The following DTNA variants were observed in gnomAD, a reference collection of about 807,000 sequenced individuals.
DTNA encodes the protein dystrobrevin alpha.
Under a neutral mutation model 100.7 loss-of-function variants are expected in DTNA, and 43 were observed. That is an observed-to-expected ratio of 0.43 (90% CI 0.33 to 0.55). DTNA has a LOEUF of 0.55. DTNA is among the 20% of genes least tolerant of loss of function. The pLI is 0.04. For missense variants in DTNA, 798 were observed against 953.9 expected, an observed-to-expected ratio of 0.84 and a Z score of 2.15; for synonymous variants, 349 against 347.9, an observed-to-expected ratio of 1.00 and a Z score of -0.04.
chr18:34,645,674 G>A (rs144330671), intron 1 of DTNA, among the ~76,000 whole-genome samples: 12 of 152,184 alleles, frequency 7.9e-5, no homozygotes, highest in East Asian at 7.7e-4. Context: ...TTTTGAACAA[G>A]CACACCCTAT....
At chr18:34,775,447 C>T (rs766836619) in intron 3 of DTNA, among the ~76,000 whole-genome samples, 4 of 151,698 alleles carry the variant, frequency 2.6e-5, no homozygotes, top group African/African-American at 4.8e-5. Flanking sequence ...GATTGCACCA[C>T]GGCACTCCTG....
intron 9 of DTNA, among the ~76,000 whole-genome samples, chr18:34,823,479 C>T (rs577149335): frequency 7.9e-5 from 12 of 152,238 alleles, no homozygotes; most frequent in South Asian, 4.1e-4. Flanking sequence ...CCACTTAATG[C>T]GCTTAATTTA....
At chr18:34,669,135 G>A (rs1175306210) in intron 1 of DTNA, among the ~76,000 whole-genome samples, 1 of 152,174 alleles carries the variant, frequency 6.6e-6, no homozygotes, top group African/African-American at 2.4e-5. Flanking sequence ...ATATATTTAG[G>A]ATAGTTAGCA....
intron 3 of DTNA, among the ~76,000 whole-genome samples, chr18:34,783,262 T>C (rs2094400811): frequency 6.6e-6 from 1 of 152,216 alleles, no homozygotes; most frequent in Non-Finnish European, 1.5e-5. Context: ...TTTTCATACC[T>C]CACTTTGAAT....
intron 1 of DTNA, among the ~76,000 whole-genome samples, chr18:34,695,132 G>A (rs968798180): frequency 3.9e-5 from 6 of 152,168 alleles, no homozygotes; most frequent in Non-Finnish European, 7.4e-5. Flanking sequence ...TTCTCCCTCC[G>A]TACAGTGCTA....
intron 1 of DTNA, among the ~76,000 whole-genome samples, chr18:34,701,985 T>C (rs2081437954): frequency 2.0e-5 from 3 of 152,194 alleles, no homozygotes; most frequent in Admixed American, 2.0e-4. Context: ...TTGTGTTTTA[T>C]CACTATTATC....
Position 34,509,516 on chromosome 18 carries a change from A to G in DTNA, c.-2+16002A>G, listed in dbSNP as rs74703092. Among the ~76,000 whole-genome samples the G allele has an allele frequency of 4.3e-3, 654 of 152,228 alleles. 24 individuals are homozygous for G. In the East Asian group the frequency reaches 0.069, roughly 16 times the overall value. ...TCCTTTTAACCCAAACACTGTAAAA[A>G]TAATGTTTATCATAAGAGTGTATAC... On this transcript the variant is annotated intron_variant, in intron 1 of 19. Coordinates refer to the DTNA transcript ENST00000283365.
intron 2 of DTNA, among the ~76,000 whole-genome samples, chr18:34,765,382 G>C (rs932561527): frequency 1.8e-4 from 27 of 152,198 alleles, no homozygotes; most frequent in Admixed American, 1.6e-3. Flanking sequence ...AGCATTTACT[G>C]TGTGCCAGAC....
intron 9 of DTNA, among the ~76,000 whole-genome samples, chr18:34,823,077 T>C (rs1181209208): frequency 6.6e-6 from 1 of 152,242 alleles, no homozygotes; most frequent in Non-Finnish European, 1.5e-5. Flanking sequence ...AGAAATTTTT[T>C]CCATATTTGT....
At chr18:34,571,979 G>A (rs961445258) in intron 1 of DTNA, among the ~76,000 whole-genome samples, 1 of 152,098 alleles carries the variant, frequency 6.6e-6, no homozygotes, top group Non-Finnish European at 1.5e-5. Context: ...AATGTCCAGG[G>A]TCACCAACCT....
intron 1 of DTNA, among the ~76,000 whole-genome samples, chr18:34,746,220 T>C (rs1394167195): frequency 6.6e-6 from 1 of 152,106 alleles, no homozygotes; most frequent in Non-Finnish European, 1.5e-5. Context: ...GGGTTTTTTT[T>C]CATTTATACC....
chr18:34,711,031 G>A (rs1353175235), intron 1 of DTNA, among the ~76,000 whole-genome samples: 1 of 152,004 alleles, frequency 6.6e-6, no homozygotes, highest in East Asian at 1.9e-4. Context: ...ATTTCTATTA[G>A]CATTCTAATC....
chr18:34,877,366 T>A (rs1190871851), intron 18 of DTNA, among the ~76,000 whole-genome samples: 2 of 152,218 alleles, frequency 1.3e-5, no homozygotes, highest in East Asian at 3.8e-4. Context: ...TGGATTATTC[T>A]TAAGAAGGGT....
chr18:34,876,275 T>G (rs1197970254), intron 18 of DTNA, among the ~76,000 whole-genome samples: 2 of 152,236 alleles, frequency 1.3e-5, no homozygotes, highest in Non-Finnish European at 2.9e-5. Context: ...TTCTTCGAAG[T>G]CTTCACATAG....
At chr18:34,747,218 G>A (rs2091746066) in intron 1 of DTNA, among the ~76,000 whole-genome samples, 1 of 152,038 alleles carries the variant, frequency 6.6e-6, no homozygotes, top group East Asian at 1.9e-4. Flanking sequence ...GAAACATACT[G>A]CAAAGCAGCA....
chr18:34,639,928 C>G (rs1204721636), intron 1 of DTNA, among the ~76,000 whole-genome samples: 1 of 152,208 alleles, frequency 6.6e-6, no homozygotes, highest in Non-Finnish European at 1.5e-5. Flanking sequence ...TATTTGGACA[C>G]ATTTCCCTGA....
chr18:34,656,878 T>A (rs190805583), intron 1 of DTNA, among the ~76,000 whole-genome samples: 1 of 152,270 alleles, frequency 6.6e-6, no homozygotes, highest in Admixed American at 6.5e-5. Context: ...AGCCTTTTTT[T>A]GTTTGTTTGT....
chr18:34,508,374 T>C (rs1749466652), intron 1 of DTNA, among the ~76,000 whole-genome samples: 2 of 152,098 alleles, frequency 1.3e-5, no homozygotes, highest in African/African-American at 4.8e-5. Flanking sequence ...AGCTCTACCA[T>C]GGGGGATTTA....
intron 1 of DTNA, among the ~76,000 whole-genome samples, chr18:34,587,799 C>T (rs2049290311): frequency 6.6e-6 from 1 of 152,150 alleles, no homozygotes; most frequent in African/African-American, 2.4e-5. Flanking sequence ...ATACATATAA[C>T]TTTAAAACTT....
Sources: allele counts gnomAD v4.1 joint callset (sites outside exome capture counted in the v4.1 genomes callset), GRCh38; gene constraint gnomAD v4.1.1; transcripts MANE v1.5; gene names NCBI Gene and HGNC (gene_info 2026-07-23, HGNC 2026-07-21).